ANKRD31: variants seen among roughly 807,000 people sequenced by gnomAD.
ANKRD31 encodes the protein ankyrin repeat domain 31.
A neutral mutation model predicts 186.0 loss-of-function variants in ANKRD31; 147 were observed. That is an observed-to-expected ratio of 0.79 (90% CI 0.69 to 0.91). ANKRD31 has a LOEUF of 0.91. Ranked by LOEUF, ANKRD31 falls within the 40% of genes least tolerant of loss-of-function variation. ANKRD31 has a pLI of 0.00. For missense variants in ANKRD31, 1,986 were observed against 2,148.8 expected, an observed-to-expected ratio of 0.92 and a Z score of 1.50; for synonymous variants, 673 against 736.4, an observed-to-expected ratio of 0.91 and a Z score of 1.39.
intron 17 of ANKRD31, among the ~76,000 whole-genome samples, chr5:75,121,253 G>T (rs567300805): frequency 4.3e-4 from 65 of 151,168 alleles, no homozygotes; most frequent in Middle Eastern, 3.4e-3. Context: ...TCAACAAAAG[G>T]TTATAATAAT....
chr5:75,169,171 T>A, intron 10 of ANKRD31, 50 bp from the exon 11 acceptor site: 2 of 1,511,014 alleles, frequency 1.3e-6, no homozygotes, highest in Non-Finnish European at 8.8e-7. Context: ...ATCTTAATAA[T>A]GTTTTGTGCT....
intron 9 of ANKRD31, among the ~76,000 whole-genome samples, chr5:75,191,146 T>G (rs1265706871): frequency 6.6e-6 from 1 of 152,138 alleles, no homozygotes; most frequent in Non-Finnish European, 1.5e-5. Context: ...CAACTTTTAT[T>G]TTTCATTTAA....
Position 75,091,324 on chromosome 5 carries a change from G to T in ANKRD31, c.5409C>A (p.Val1803=). Reference sequence around the variant, plus strand: ...CTCCCAGAAGATCCTTGAGCCAGGTGACTGGGTTTTTATAAATCTGACCAC... The same window carrying T: ...CTCCCAGAAGATCCTTGAGCCAGGTTACTGGGTTTTTATAAATCTGACCAC... The part of the protein sequence containing the change: ...VESGQIYKNP[V]TWLKDLLGGN... Residue 1803 remains valine, a synonymous_variant, in exon 23 of 26, where the codon GTC becomes GTA. Coordinates refer to ENST00000506364, the MANE Select transcript of ANKRD31 (RefSeq NM_001372053.1). The T allele has an allele frequency of 1.3e-6, 2 of 1,537,114 alleles. No homozygotes were observed. The highest frequency in any genetic ancestry group is 1.7e-6 in the Non-Finnish European group (2 of 1,146,868).
Position 75,147,275 on chromosome 5 carries a change from G to T in ANKRD31, c.2136C>A (p.Gly712=), listed in dbSNP as rs774767162. 4.6e-6 allele frequency: 7 copies of T among 1,535,838 alleles called. No homozygotes were observed. Among genetic ancestry groups the T allele is most frequent in the Admixed American group, 2.0e-5 (1 of 50,892 alleles). The change falls in exon 14 of 26, where the codon GGC becomes GGA. Residue 712 remains glycine, a synonymous_variant. Coordinates refer to ENST00000506364, the MANE Select transcript of ANKRD31 (RefSeq NM_001372053.1). The part of the protein sequence containing the change: ...DQIYSTGLRK[G]NLHNVKDPNT... Reference sequence around the variant, plus strand: ...TGGGATCTTTGACGTTATGGAGATTGCCCTTTCTGAGTCCTGTAGAGTATA... The same window carrying T: ...TGGGATCTTTGACGTTATGGAGATTTCCCTTTCTGAGTCCTGTAGAGTATA...
At chr5:75,154,708 C>A (rs1752048858) in intron 11 of ANKRD31, among the ~76,000 whole-genome samples, 1 of 152,054 alleles carries the variant, frequency 6.6e-6, no homozygotes, top group African/African-American at 2.4e-5. Context: ...AGTGGCTCAG[C>A]TGCTAGTGAA....
At chr5:75,152,561 A>G (rs1751911905) in intron 12 of ANKRD31, among the ~76,000 whole-genome samples, 1 of 152,020 alleles carries the variant, frequency 6.6e-6, no homozygotes, top group Non-Finnish European at 1.5e-5. Flanking sequence ...AGTTTAATAA[A>G]TGGGAATGAA....
intron 22 of ANKRD31, among the ~76,000 whole-genome samples, chr5:75,095,041 A>C (rs918509437): frequency 6.6e-6 from 1 of 152,230 alleles, no homozygotes; most frequent in African/African-American, 2.4e-5. Flanking sequence ...AATACATGAA[A>C]TAAAAATTAA....
At chr5:75,118,792 G>T (rs1255381097) in intron 17 of ANKRD31, among the ~76,000 whole-genome samples, 1 of 152,138 alleles carries the variant, frequency 6.6e-6, no homozygotes, top group Non-Finnish European at 1.5e-5. Flanking sequence ...TGCAGATTAA[G>T]CCACTTGCAT....
chr5:75,103,024 T>C (rs1424491295), intron 22 of ANKRD31, among the ~76,000 whole-genome samples: 1 of 152,184 alleles, frequency 6.6e-6, no homozygotes, highest in Non-Finnish European at 1.5e-5. Flanking sequence ...CTGGGAGCTG[T>C]AGACTGGAGC....
rs1338367306 is a variant in ANKRD31, at chr5:75,079,096, G to C, written c.5647+1472C>G. On this transcript the variant is annotated intron_variant, in intron 25 of 25. Transcript: ENST00000506364. ...TAATATACCACATTTTAACACTCTGGAGTCCATCAATGCATTGACTTGAGT... is the reference window on the plus strand; with the variant it reads ...TAATATACCACATTTTAACACTCTGCAGTCCATCAATGCATTGACTTGAGT... Among the ~76,000 whole-genome samples the C allele has an allele frequency of 2.6e-5, 4 of 152,160 alleles. No homozygotes were observed. In the East Asian group the frequency reaches 7.7e-4, roughly 29 times the overall value.
At chr5:75,131,790 A>AG (rs150995408) in intron 17 of ANKRD31, among the ~76,000 whole-genome samples, 20,103 of 152,206 alleles carry the variant, frequency 0.13, 1,473 homozygotes, top group Middle Eastern at 0.26. Flanking sequence ...TCATACTGCC[A>AG]GGTGTCCCTC....
intron 4 of ANKRD31, among the ~76,000 whole-genome samples, chr5:75,209,389 C>T (rs1756461432): frequency 2.0e-5 from 3 of 152,202 alleles, no homozygotes; most frequent in South Asian, 2.1e-4. Flanking sequence ...TCAAGATAAA[C>T]ATCATGGCTG....
chr5:75,148,537 C>A, intron 13 of ANKRD31, 39 bp downstream of exon 13: 1 of 1,357,210 alleles, frequency 7.4e-7, no homozygotes, highest in Non-Finnish European at 9.9e-7. Flanking sequence ...CCAGAAGTTA[C>A]ATCCCTATAA....
intron 3 of ANKRD31, among the ~76,000 whole-genome samples, chr5:75,221,097 T>TCA (rs1437262113): frequency 6.6e-6 from 1 of 152,072 alleles, no homozygotes; most frequent in Admixed American, 6.6e-5. Flanking sequence ...ACGCATGTTC[T>TCA]CACCTACAAG....
intron 10 of ANKRD31, among the ~76,000 whole-genome samples, chr5:75,185,413 T>C (rs990512111): frequency 2.4e-4 from 36 of 151,994 alleles, no homozygotes; most frequent in Non-Finnish European, 1.6e-4. Flanking sequence ...CAAAAATTAG[T>C]TGGGCATGGT....
rs746746627 is a variant in ANKRD31 at position 75,104,317 on chromosome 5, C to T, written c.5242G>A (p.Ala1748Thr). ...TIKKALNYST[A>T]PKKKCIQIKD... is the part of the protein sequence containing the mutation. ...ATCTGAATACATTTCTTTTTAGGAGCTGTACTGTAGTTTAAAGCCTTTTTT... is the reference window on the plus strand; with the variant it reads ...ATCTGAATACATTTCTTTTTAGGAGTTGTACTGTAGTTTAAAGCCTTTTTT... Residue 1748 changes from alanine to threonine, a missense_variant, in exon 22 of 26, where the codon GCT becomes ACT. Ala to Thr is a moderately conservative substitution (Grantham distance 58). Coordinates refer to ENST00000506364, the MANE Select transcript of ANKRD31 (RefSeq NM_001372053.1). 2.6e-6 allele frequency: 4 copies of T among 1,537,016 alleles called. No individual in the cohort carries two copies. The highest frequency in any genetic ancestry group is 3.5e-6 in the Non-Finnish European group (4 of 1,146,804).
intron 17 of ANKRD31, among the ~76,000 whole-genome samples, chr5:75,130,387 C>T (rs1377410569): frequency 1.3e-5 from 2 of 152,206 alleles, no homozygotes; most frequent in African/African-American, 4.8e-5. Context: ...CTGTTGCTGG[C>T]TCTGGTGGCC....
chr5:75,069,162 C>T (rs1274621664), intron 25 of ANKRD31, among the ~76,000 whole-genome samples: 2 of 152,270 alleles, frequency 1.3e-5, no homozygotes, highest in South Asian at 2.1e-4. Context: ...TCCAGACTTC[C>T]ATCTCTGAGA....
chr5:75,170,070 T>A (rs1255156540), intron 10 of ANKRD31, among the ~76,000 whole-genome samples: 1 of 152,146 alleles, frequency 6.6e-6, no homozygotes, highest in African/African-American at 2.4e-5. Context: ...AATATATAGT[T>A]AACAAGGTTT....
Sources: allele counts gnomAD v4.1 joint callset (sites outside exome capture counted in the v4.1 genomes callset), GRCh38; gene constraint gnomAD v4.1.1; transcripts MANE v1.5; gene names NCBI Gene and HGNC (gene_info 2026-07-23, HGNC 2026-07-21).